PBX1: variants seen among roughly 807,000 people sequenced by gnomAD.
PBX1 encodes pre-B-cell leukemia transcription factor 1.
A neutral mutation model predicts 53.4 loss-of-function variants in PBX1; 6 were observed. That is an observed-to-expected ratio of 0.11 (90% CI 0.06 to 0.22). The LOEUF (loss-of-function observed/expected upper bound fraction) is 0.22. Among genes scored for constraint, PBX1 ranks in the 10% least tolerant of loss-of-function variants. The probability of loss-of-function intolerance (pLI) is 1.00; values close to 1 mark genes in which losing one functional copy is unlikely to be tolerated. For synonymous variants in PBX1, 204 were observed against 212.3 expected (o/e 0.96, Z 0.34); for missense variants, 251 against 551.4 (o/e 0.46, Z 5.46).
At chr1:164,658,257 A>G (rs2101940291) in intron 2 of PBX1, among the ~76,000 whole-genome samples, 1 of 152,262 alleles carries the variant, frequency 6.6e-6, no homozygotes, top group Admixed American at 6.5e-5. Flanking sequence ...GTTTAGCTCA[A>G]TTGTAAAAGT....
At chr1:164,854,982 T>C (rs1671947746), downstream of PBX1, among the ~76,000 whole-genome samples, 1 of 146,026 alleles carries the variant, frequency 6.8e-6, no homozygotes. Context: ...GGGGTCTTGC[T>C]GTTTCACCAG....
At position 164,559,352 on chromosome 1, in the gene PBX1, G is replaced by T. The variant is rs1239485668; in HGVS notation, c.-471G>T. 4.5e-5 allele frequency: 9 copies of T among 198,700 alleles called. No individual in the cohort carries two copies. The highest frequency in any genetic ancestry group is 3.1e-4 in the East Asian group (4 of 12,996). 12.3% of individuals were successfully genotyped at this position (198,700 alleles called of 1,614,324 possible). ...GTGGGGGTGGGGGGCAGCGGGGGGT[G>T]GGGGGGGAAAGTTTGCATTGCAATC... On this transcript the variant is annotated 5_prime_UTR_variant, in exon 1 of 9. Transcript: ENST00000420696.
intron 2 of PBX1, among the ~76,000 whole-genome samples, chr1:164,878,349 A>G: frequency 6.6e-6 from 1 of 152,262 alleles, no homozygotes; most frequent in Non-Finnish European, 1.5e-5. Flanking sequence ...AAAAATAAAA[A>G]TAAATTGTGC....
chr1:164,785,375 A>C (rs1668124379), intron 2 of PBX1, among the ~76,000 whole-genome samples: 2 of 152,246 alleles, frequency 1.3e-5, no homozygotes, highest in Non-Finnish European at 2.9e-5. Flanking sequence ...AGACACTAAC[A>C]GAAGATTTGG....
intron 2 of PBX1, among the ~76,000 whole-genome samples, chr1:164,867,448 G>T (rs1672244459): frequency 6.6e-6 from 1 of 152,178 alleles, no homozygotes; most frequent in Non-Finnish European, 1.5e-5. Flanking sequence ...GTGCCTCAAG[G>T]TATTGAGGAG....
intron 8 of PBX1, among the ~76,000 whole-genome samples, chr1:164,837,696 G>A (rs1007406173): frequency 1.3e-5 from 2 of 152,198 alleles, no homozygotes; most frequent in East Asian, 1.9e-4. Flanking sequence ...TTTGCCAGGA[G>A]ATCAGGATAG....
At chr1:164,619,217 T>C (rs562476109) in intron 2 of PBX1, among the ~76,000 whole-genome samples, 6 of 152,114 alleles carry the variant, frequency 3.9e-5, no homozygotes, top group Non-Finnish European at 7.3e-5. Flanking sequence ...GGGACACATA[T>C]AGACTTTGTG....
In PBX1 at chr1:164,848,330, A is replaced by G. The variant is rs1488790981; in HGVS notation, c.*1654A>G. On this transcript the variant is annotated 3_prime_UTR_variant, in exon 9 of 9. Transcript: ENST00000420696. ...CACTTGATTAAGTGGGAGGTGGTCA[A>G]ATATTTTGGTGCCTCATTTTCTTCA... 1.9e-6 allele frequency: 2 copies of G among 1,057,452 alleles called. No homozygotes were observed. The highest frequency in any genetic ancestry group is 5.2e-5 in the East Asian group (1 of 19,130). The allele number at this position is 1,057,452 out of a possible 1,614,324, so 65.5% of individuals were successfully genotyped here.
intron 8 of PBX1, among the ~76,000 whole-genome samples, chr1:164,838,366 G>C (rs1183311248): frequency 6.6e-6 from 1 of 152,142 alleles, no homozygotes; most frequent in Non-Finnish European, 1.5e-5. Context: ...AGCTTGTCTT[G>C]TTCAAAACCA....
downstream of PBX1, chr1:164,854,368 A>G (rs1671931949): frequency 1.3e-5 from 2 of 152,170 alleles, no homozygotes; most frequent in Non-Finnish European, 1.5e-5. Context: ...ACATGCAACA[A>G]AATGTCAATT....
intron 2 of PBX1, among the ~76,000 whole-genome samples, chr1:164,638,597 C>T (rs577751566): frequency 1.3e-5 from 2 of 152,338 alleles, no homozygotes; most frequent in South Asian, 4.1e-4. Context: ...CACACACTCA[C>T]ACCATGGGTG....
chr1:164,683,446 G>A (rs1455440683), intron 2 of PBX1: 1 of 152,164 alleles, frequency 6.6e-6, no homozygotes. Context: ...CCAGGTACAT[G>A]TCATTAATCT....
At chr1:164,776,925 GTGTGTGTGT>G (rs1667680274) in intron 2 of PBX1, among the ~76,000 whole-genome samples, 1 of 136,148 alleles carries the variant, frequency 7.3e-6, no homozygotes, top group Non-Finnish European at 1.6e-5. Flanking sequence ...GTGTGTGTGT[GTGTGTGTGT>G]GGTGGGAGGA....
intron 2 of PBX1, among the ~76,000 whole-genome samples, chr1:164,705,722 A>C (rs1258392149): frequency 6.6e-6 from 1 of 152,178 alleles, no homozygotes; most frequent in Admixed American, 6.5e-5. Flanking sequence ...TTTGATTATA[A>C]TTTTCTCATT....
intron 2 of PBX1, among the ~76,000 whole-genome samples, chr1:164,734,721 G>A: frequency 6.6e-6 from 1 of 152,098 alleles, no homozygotes; most frequent in Non-Finnish European, 1.5e-5. Context: ...TTGAACAGTT[G>A]TTTCTCTTGT....
chr1:164,658,567 A>G (rs965508259), intron 2 of PBX1, among the ~76,000 whole-genome samples: 20 of 152,186 alleles, frequency 1.3e-4, no homozygotes, highest in African/African-American at 4.6e-4. Context: ...TGTGTTTGAC[A>G]CTATATAAGT....
intron 2 of PBX1, among the ~76,000 whole-genome samples, chr1:164,726,546 G>A (rs1393992706): frequency 1.3e-5 from 2 of 152,188 alleles, no homozygotes; most frequent in Non-Finnish European, 2.9e-5. Flanking sequence ...TCATGCTAAA[G>A]CCACATCAGG....
intron 3 of PBX1, among the ~76,000 whole-genome samples, chr1:164,797,077 G>A (rs1488169539): frequency 1.3e-5 from 2 of 152,186 alleles, no homozygotes; most frequent in African/African-American, 2.4e-5. Context: ...CTCAGCAGCT[G>A]TTTAGCAGCT....
intron 5 of PBX1, among the ~76,000 whole-genome samples, chr1:164,809,743 A>G (rs996812358): frequency 6.6e-6 from 1 of 152,162 alleles, no homozygotes; most frequent in East Asian, 1.9e-4. Context: ...ATGACCCAAA[A>G]CAAAGATATG....
Sources: allele counts gnomAD v4.1 joint callset (sites outside exome capture counted in the v4.1 genomes callset), GRCh38; gene constraint gnomAD v4.1.1; transcripts MANE v1.5; gene names NCBI Gene and HGNC (gene_info 2026-07-23, HGNC 2026-07-21).